HS6ST3: variants seen among roughly 807,000 people sequenced by gnomAD.
HS6ST3 encodes heparan sulfate 6-O-sulfotransferase 3, also known as heparan-sulfate 6-O-sulfotransferase 3.
In HS6ST3, 12 loss-of-function variants were observed where a neutral mutation model predicts 36.7. The ratio of observed to expected loss-of-function variants is 0.33; its 90% CI spans 0.21 to 0.53. HS6ST3 has a LOEUF of 0.53. Ranked by LOEUF, HS6ST3 falls within the 20% of genes least tolerant of loss-of-function variation. The probability of loss-of-function intolerance (pLI) is 0.95; values close to 1 mark genes in which losing one functional copy is unlikely to be tolerated. For missense variants in HS6ST3, 584 were observed against 640.9 expected (o/e 0.91, Z 0.96); for synonymous variants, 240 against 257.5 (o/e 0.93, Z 0.65).
chr13:96,646,331 G>A (rs1312606546), intron 1 of HS6ST3, among the ~76,000 whole-genome samples: 1 of 151,958 alleles, frequency 6.6e-6, no homozygotes, highest in Non-Finnish European at 1.5e-5. Context: ...CTTGCCAATT[G>A]ATGCTTCTAT....
chr13:96,122,555 A>G (rs1212039017), intron 1 of HS6ST3, among the ~76,000 whole-genome samples: 1 of 152,224 alleles, frequency 6.6e-6, no homozygotes, highest in African/African-American at 2.4e-5. Context: ...CTGAACAGAA[A>G]GACACACACA....
chr13:96,207,346 C>G (rs1218065662), intron 1 of HS6ST3, among the ~76,000 whole-genome samples: 1 of 151,916 alleles, frequency 6.6e-6, no homozygotes, highest in Non-Finnish European at 1.5e-5. Flanking sequence ...AATGCTTTTC[C>G]TTTTTCTTGT....
At chr13:96,478,234 G>A (rs2055873522) in intron 1 of HS6ST3, among the ~76,000 whole-genome samples, 2 of 152,140 alleles carry the variant, frequency 1.3e-5, no homozygotes, top group African/African-American at 4.8e-5. Flanking sequence ...AAGTGAGGAT[G>A]GATTGCTCAG....
intron 1 of HS6ST3, among the ~76,000 whole-genome samples, chr13:96,242,536 C>T (rs2054565789): frequency 6.6e-6 from 1 of 152,066 alleles, no homozygotes; most frequent in Admixed American, 6.6e-5. Context: ...ATTTTAGGTC[C>T]TTACATAAGT....
intron 1 of HS6ST3, among the ~76,000 whole-genome samples, chr13:96,186,908 G>C (rs146332948): frequency 5.1e-4 from 77 of 152,280 alleles, no homozygotes; most frequent in African/African-American, 1.7e-3. Context: ...CTAGCCTCAA[G>C]GGCAGATGTG....
intron 1 of HS6ST3, among the ~76,000 whole-genome samples, chr13:96,613,375 G>C (rs1216570345): frequency 1.3e-5 from 2 of 152,160 alleles, no homozygotes; most frequent in Non-Finnish European, 2.9e-5. Flanking sequence ...CAGCTCATTT[G>C]TGGTAGGCCT....
intron 1 of HS6ST3, among the ~76,000 whole-genome samples, chr13:96,733,877 T>G (rs940024623): frequency 2.0e-5 from 3 of 152,136 alleles, no homozygotes; most frequent in African/African-American, 4.8e-5. Flanking sequence ...CTAGTCCCAT[T>G]GCCCCTTTCT....
chr13:96,152,526 T>A (rs887803897), intron 1 of HS6ST3, among the ~76,000 whole-genome samples: 2 of 151,750 alleles, frequency 1.3e-5, no homozygotes, highest in Non-Finnish European at 2.9e-5. Flanking sequence ...TTTAGTAGAG[T>A]CGGGGTTTCA....
intron 1 of HS6ST3, among the ~76,000 whole-genome samples, chr13:96,500,164 T>G (rs2055997184): frequency 6.6e-6 from 1 of 152,170 alleles, no homozygotes; most frequent in Admixed American, 6.5e-5. Context: ...ACATCCCATA[T>G]AAATGGAATT....
intron 1 of HS6ST3, among the ~76,000 whole-genome samples, chr13:96,105,204 T>G (rs1424812944): frequency 6.6e-6 from 1 of 151,992 alleles, no homozygotes; most frequent in African/African-American, 2.4e-5. Context: ...TGGATGTGGA[T>G]TGATTTGAGA....
At chr13:96,145,846 G>A (rs1440405899) in intron 1 of HS6ST3, among the ~76,000 whole-genome samples, 1 of 152,118 alleles carries the variant, frequency 6.6e-6, no homozygotes, top group Non-Finnish European at 1.5e-5. Context: ...TGTAAGGAAG[G>A]GATCCAGTTT....
At chr13:96,356,622 AAACCATCTG>A (rs1425401330) in intron 1 of HS6ST3, among the ~76,000 whole-genome samples, 1 of 152,228 alleles carries the variant, frequency 6.6e-6, no homozygotes, top group Non-Finnish European at 1.5e-5. Flanking sequence ...AATAATGAGT[AAACCATCTG>A]TAAACAGATT....
At chr13:96,293,561 C>A (rs191262373) in intron 1 of HS6ST3, among the ~76,000 whole-genome samples, 4 of 152,172 alleles carry the variant, frequency 2.6e-5, no homozygotes, top group African/African-American at 9.6e-5. Flanking sequence ...TATATACACT[C>A]CCCCCTCATG....
chr13:96,543,946 T>C (rs2056187683), intron 1 of HS6ST3, among the ~76,000 whole-genome samples: 1 of 142,726 alleles, frequency 7.0e-6, no homozygotes, highest in South Asian at 2.2e-4. Flanking sequence ...TATGATATGA[T>C]GGGGAGATAT....
intron 1 of HS6ST3, among the ~76,000 whole-genome samples, chr13:96,323,301 C>G (rs2055013912): frequency 6.6e-6 from 1 of 152,198 alleles, no homozygotes; most frequent in Non-Finnish European, 1.5e-5. Context: ...AGAAACTATC[C>G]TCTGGGTGTT....
chr13:96,781,578 A>G (rs879419639), intron 1 of HS6ST3, among the ~76,000 whole-genome samples: 5 of 152,212 alleles, frequency 3.3e-5, no homozygotes, highest in Non-Finnish European at 7.3e-5. Context: ...ACTCTTTTGA[A>G]AAGGCATGTA....
At chr13:96,232,425 T>C (rs2054513294) in intron 1 of HS6ST3, among the ~76,000 whole-genome samples, 1 of 151,918 alleles carries the variant, frequency 6.6e-6, no homozygotes, top group South Asian at 2.1e-4. Flanking sequence ...GGTAGGAGAG[T>C]AACCAGAAAT....
chr13:96,663,031 G>A (rs376695989), intron 1 of HS6ST3, among the ~76,000 whole-genome samples: 3 of 152,128 alleles, frequency 2.0e-5, no homozygotes, highest in Non-Finnish European at 4.4e-5. Context: ...TCCCTGTTTA[G>A]CTGGGAGAGG....
intron 1 of HS6ST3, among the ~76,000 whole-genome samples, chr13:96,704,857 C>G (rs930893964): frequency 3.9e-5 from 6 of 152,148 alleles, no homozygotes; most frequent in Admixed American, 2.0e-4. Context: ...GTTAAGGGTC[C>G]AAGTTGCCTG....
Sources: allele counts gnomAD v4.1 joint callset (sites outside exome capture counted in the v4.1 genomes callset), GRCh38; gene constraint gnomAD v4.1.1; transcripts MANE v1.5; gene names NCBI Gene and HGNC (gene_info 2026-07-23, HGNC 2026-07-21).